The following TENM1 variants were observed in gnomAD, a reference collection of about 807,000 sequenced individuals.
TENM1 encodes teneurin transmembrane protein 1, also known as teneurin-1.
A neutral mutation model predicts 174.8 loss-of-function variants in TENM1; 35 were observed. The observed-to-expected ratio is 0.20, with a 90% CI of 0.15 to 0.27. TENM1 has a LOEUF of 0.27. Among genes scored for constraint, TENM1 ranks in the 10% least tolerant of loss-of-function variants. The pLI, the probability that TENM1 is intolerant of heterozygous loss-of-function variation, is 1.00. For missense variants in TENM1, 1,633 were observed against 2,130.1 expected (o/e 0.77, Z 4.59); for synonymous variants, 781 against 798.7 (o/e 0.98, Z 0.37).
chrX:125,006,108 G>A, the TENM1 span, among the ~76,000 whole-genome samples: 6 of 112,126 alleles, frequency 5.4e-5, no homozygotes, highest in East Asian at 5.7e-4. Context: ...AGCAAGCTGA[G>A]AACCACTGGA....
intron 4 of TENM1, among the ~76,000 whole-genome samples, chrX:124,733,531 C>T (rs2053608198): frequency 8.9e-6 from 1 of 111,900 alleles, no homozygotes; most frequent in South Asian, 3.7e-4. Context: ...GAGGCTGAGG[C>T]TCAGACAGGT....
chrX:125,191,305 T>C, the TENM1 span, among the ~76,000 whole-genome samples: 1 of 112,027 alleles, frequency 8.9e-6, no homozygotes, highest in East Asian at 2.8e-4. Flanking sequence ...ATTAATCACC[T>C]ACTATGTATC....
the TENM1 span, among the ~76,000 whole-genome samples, chrX:125,140,313 G>C: frequency 8.9e-6 from 1 of 112,015 alleles, no homozygotes; most frequent in East Asian, 2.8e-4. Context: ...AGGTCATTAT[G>C]TTAAGTGAGA....
the TENM1 span, among the ~76,000 whole-genome samples, chrX:125,195,586 T>C: frequency 2.7e-5 from 3 of 111,832 alleles, no homozygotes; most frequent in African/African-American, 9.7e-5. Context: ...TGACACTTCA[T>C]GAATTCTAAA....
intron 1 of TENM1, among the ~76,000 whole-genome samples, chrX:124,953,362 C>G (rs1490328511): frequency 1.8e-5 from 2 of 111,850 alleles, no homozygotes; most frequent in African/African-American, 6.5e-5. Flanking sequence ...TGTCTTTTCA[C>G]TTCACTCTTT....
the TENM1 span, among the ~76,000 whole-genome samples, chrX:125,051,998 G>GA: frequency 9.1e-6 from 1 of 110,293 alleles, no homozygotes; most frequent in African/African-American, 3.3e-5. Context: ...AAATTTACAA[G>GA]AAAAAAACAA....
At chrX:124,818,825 C>T (rs909514287) in intron 3 of TENM1, among the ~76,000 whole-genome samples, 6 of 111,534 alleles carry the variant, frequency 5.4e-5, no homozygotes, top group East Asian at 2.8e-4. Flanking sequence ...CCTCAACCAC[C>T]GTAAGACTTC....
chrX:125,110,387 C>T, the TENM1 span, among the ~76,000 whole-genome samples: 2 of 111,560 alleles, frequency 1.8e-5, no homozygotes, highest in African/African-American at 6.5e-5. Flanking sequence ...TGATTTCCTT[C>T]CCTTCCCTTT....
chrX:124,434,387 T>C (rs2060812282), intron 23 of TENM1, among the ~76,000 whole-genome samples: 1 of 111,830 alleles, frequency 8.9e-6, no homozygotes, highest in Admixed American at 9.5e-5. Context: ...CCATAAGTCC[T>C]GTCCAAAAGC....
chrX:124,900,846 C>T (rs1440674673), intron 1 of TENM1, among the ~76,000 whole-genome samples: 8 of 104,133 alleles, frequency 7.7e-5, no homozygotes, highest in Admixed American at 4.2e-4. Context: ...GGCTGGAGCA[C>T]AATGGTGTGG....
chrX:125,008,429 C>G, the TENM1 span, among the ~76,000 whole-genome samples: 1 of 111,578 alleles, frequency 9.0e-6, no homozygotes. Flanking sequence ...TACACAATAA[C>G]AGTGAAGGAC....
intron 25 of TENM1, among the ~76,000 whole-genome samples, chrX:124,419,692 C>T (rs2060629479): frequency 1.8e-5 from 2 of 112,051 alleles, no homozygotes; most frequent in Admixed American, 9.5e-5. Flanking sequence ...TGTGCAGGGA[C>T]CCTGAGGAAG....
At chrX:124,932,992 G>C (rs1045243948) in intron 1 of TENM1, among the ~76,000 whole-genome samples, 3 of 112,003 alleles carry the variant, frequency 2.7e-5, no homozygotes, top group Non-Finnish European at 5.6e-5. Flanking sequence ...GCCTCTGAAA[G>C]GGTTCCACAG....
At chrX:124,878,107 G>A (rs1385217953) in intron 3 of TENM1, among the ~76,000 whole-genome samples, 1 of 111,371 alleles carries the variant, frequency 9.0e-6, no homozygotes, top group Non-Finnish European at 1.9e-5. Flanking sequence ...CCCCTGTGCA[G>A]TTCAAAACTT....
rs2060639291 is a variant in TENM1, at chrX:124,420,510, G to A, written c.4783C>T (p.His1595Tyr). Residue 1595 changes from histidine (H) to tyrosine (Y), a missense_variant, in exon 25 of 32, where the codon CAC becomes TAC. By Grantham distance (83) the His-to-Tyr change is moderately conservative. Around this residue, in one of 4 missense-constraint regions of TENM1, gnomAD observed 807 missense variants for 1,125.3 expected, o/e 0.72. Coordinates refer to ENST00000422452, the Ensembl canonical transcript of TENM1. The stretch of plus-strand genomic sequence containing the variant: ...ATTCCGCCTGCATCACGGCGAATGT[G>A]CACTGAATTGCCATTGCTGCTGGTA... The A allele has an allele frequency of 2.5e-6, 3 of 1,212,092 alleles. No individual in the cohort carries two copies. The African/African-American group carries it at 5.2e-5, about 21-fold the overall frequency.
intron 11 of TENM1, among the ~76,000 whole-genome samples, chrX:124,588,130 A>G (rs6648614): frequency 0.31 from 34,441 of 110,514 alleles, 4,561 homozygotes; most frequent in African/African-American, 0.5. Flanking sequence ...AAGTTAGTGT[A>G]GCGATTTCCT....
At chrX:124,383,468 C>T (rs1422114670) in intron 30 of TENM1, among the ~76,000 whole-genome samples, 166 bp downstream of exon 33, 2 of 111,960 alleles carry the variant, frequency 1.8e-5, no homozygotes, top group African/African-American at 3.2e-5. Flanking sequence ...TTAACATGCA[C>T]GTTTTGCTCA....
chrX:125,043,330 C>CA, the TENM1 span, among the ~76,000 whole-genome samples: 1 of 31 alleles, frequency 0.032, no homozygotes, highest in Non-Finnish European at 0.042. Context: ...AAAAAACAAA[C>CA]AACCCATCAA....
At chrX:124,676,864 CA>C (rs57417124) in intron 5 of TENM1, among the ~76,000 whole-genome samples, 8,634 of 56,980 alleles carry the variant, frequency 0.15, 812 homozygotes, top group African/African-American at 0.35. Flanking sequence ...CTCATTGACT[CA>C]AAAAAAAAAA....
Sources: allele counts gnomAD v4.1 joint callset (sites outside exome capture counted in the v4.1 genomes callset), GRCh38; gene constraint gnomAD v4.1.1; regional missense constraint gnomAD v4.1.1; transcripts MANE v1.5; gene names NCBI Gene and HGNC (gene_info 2026-07-23, HGNC 2026-07-21).